FUT9: variants seen among roughly 807,000 people sequenced by gnomAD.
FUT9 encodes the protein 4-galactosyl-N-acetylglucosaminide 3-alpha-L-fucosyltransferase 9.
In FUT9, 15 loss-of-function variants were observed where a neutral mutation model predicts 29.7. The observed-to-expected ratio is 0.51, with a 90% CI of 0.34 to 0.78. The LOEUF (loss-of-function observed/expected upper bound fraction) is 0.78, where lower values mean the gene tolerates loss of function less well. Among genes scored for constraint, FUT9 ranks in the 30% least tolerant of loss-of-function variants. The probability of loss-of-function intolerance (pLI) is 0.01; values close to 1 mark genes in which losing one functional copy is unlikely to be tolerated. For synonymous variants in FUT9, 169 were observed against 153.7 expected (o/e 1.10, Z -0.74); for missense variants, 319 against 425.4 (o/e 0.75, Z 2.20).
At chr6:96,167,837 T>A (rs1297833917) in intron 2 of FUT9, among the ~76,000 whole-genome samples, 3 of 151,636 alleles carry the variant, frequency 2.0e-5, no homozygotes, top group African/African-American at 4.8e-5. Context: ...GGGTGGAGAG[T>A]GCTACTGTGC....
chr6:96,100,335 A>G (rs1771568385), intron 1 of FUT9, among the ~76,000 whole-genome samples: 1 of 152,076 alleles, frequency 6.6e-6, no homozygotes, highest in Non-Finnish European at 1.5e-5. Context: ...AAAACAGTCA[A>G]TGTCCTCAAA....
At chr6:96,090,721 T>A (rs187684411) in intron 1 of FUT9, among the ~76,000 whole-genome samples, 2 of 151,690 alleles carry the variant, frequency 1.3e-5, no homozygotes, top group Non-Finnish European at 2.9e-5. Flanking sequence ...CAGTATGAAA[T>A]AGACAATTAT....
rs1176589730 is a variant in FUT9 at position 96,203,284 on chromosome 6, A to G, written c.129A>G (p.Ser43=). Residue 43 remains serine, a synonymous_variant, in exon 3 of 3, where the codon TCA becomes TCG. Transcript: ENST00000302103. ...TNSWIFSPME[S]ASSVLKMKNF... Reference sequence around the variant, plus strand: ...GCTGGATCTTCAGTCCAATGGAATCAGCCAGCTCTGTGCTGAAAATGAAAA... The same window carrying G: ...GCTGGATCTTCAGTCCAATGGAATCGGCCAGCTCTGTGCTGAAAATGAAAA... 1.2e-6 allele frequency: 2 copies of G among 1,614,050 alleles called. No homozygotes were observed. Among genetic ancestry groups the G allele is most frequent in the Non-Finnish European group, 1.7e-6 (2 of 1,179,958 alleles).
chr6:96,034,760 C>A (rs770257623), intron 1 of FUT9, among the ~76,000 whole-genome samples: 3 of 151,644 alleles, frequency 2.0e-5, no homozygotes, highest in African/African-American at 7.3e-5. Flanking sequence ...CCCTGCAAGA[C>A]CCCAGAGGGC....
Position 96,203,486 on chromosome 6 carries a change from C to T in FUT9, c.331C>T (p.Arg111Ter). ...ATCCCATGCAGTTCTGATCCATCACCGAGACATCAGTTGGGATCTGACAAA... is the reference window on the plus strand; with the variant it reads ...ATCCCATGCAGTTCTGATCCATCACTGAGACATCAGTTGGGATCTGACAAA... The part of the protein sequence containing the change: ...NKSHAVLIHH[R>*]DISWDLTNLP... Residue 111 changes from arginine (R) to a stop codon, truncating the protein, a stop_gained, in exon 3 of 3, where the codon CGA becomes TGA. Transcript: ENST00000302103. LOFTEE classifies it high-confidence loss of function. 6.2e-7 allele frequency: 1 copy of T among 1,610,588 alleles called. No homozygotes were observed. Among genetic ancestry groups the T allele is most frequent in the South Asian group, 1.1e-5 (1 of 90,542 alleles).
chr6:96,035,312 C>A (rs1770331181), intron 1 of FUT9, among the ~76,000 whole-genome samples: 2 of 151,194 alleles, frequency 1.3e-5, no homozygotes. Flanking sequence ...ATTGGTATGA[C>A]AAAAAAGTGC....
At chr6:96,065,702 G>A (rs1336953982) in intron 1 of FUT9, among the ~76,000 whole-genome samples, 2 of 152,108 alleles carry the variant, frequency 1.3e-5, no homozygotes, top group African/African-American at 2.4e-5. Flanking sequence ...CTACAAAACT[G>A]CTATAGATCT....
chr6:96,113,184 A>C (rs2127961517), intron 1 of FUT9, among the ~76,000 whole-genome samples: 1 of 152,206 alleles, frequency 6.6e-6, no homozygotes, highest in East Asian at 1.9e-4. Context: ...TATAACCTAG[A>C]ACATTCATTC....
intron 2 of FUT9, among the ~76,000 whole-genome samples, chr6:96,167,769 A>G (rs888402605): frequency 1.3e-5 from 2 of 152,168 alleles, no homozygotes; most frequent in African/African-American, 2.4e-5. Flanking sequence ...TAACTTTTGA[A>G]CAAAAGTGTG....
intron 1 of FUT9, among the ~76,000 whole-genome samples, chr6:96,018,046 G>A (rs972554522): frequency 2.6e-5 from 4 of 152,174 alleles, no homozygotes; most frequent in African/African-American, 7.2e-5. Context: ...CCACTGACAA[G>A]GGGTGGTTTT....
chr6:96,055,833 C>G (rs9377336), intron 1 of FUT9, among the ~76,000 whole-genome samples: 3,371 of 151,884 alleles, frequency 0.022, 63 homozygotes, highest in East Asian at 0.08. Context: ...GTGTGAGCCA[C>G]TGACCCTGGC....
intron 2 of FUT9, among the ~76,000 whole-genome samples, chr6:96,125,442 T>C (rs1772116465): frequency 6.6e-6 from 1 of 152,252 alleles, no homozygotes; most frequent in African/African-American, 2.4e-5. Context: ...CAGAAGTACT[T>C]AATCATTATA....
chr6:96,057,060 A>G (rs1770784965), intron 1 of FUT9, among the ~76,000 whole-genome samples: 2 of 152,224 alleles, frequency 1.3e-5, no homozygotes, highest in African/African-American at 4.8e-5. Flanking sequence ...GTGTTCTGGC[A>G]AAGCAAGCTA....
chr6:96,103,124 G>A (rs72929907), intron 1 of FUT9, among the ~76,000 whole-genome samples: 6,164 of 152,200 alleles, frequency 0.04, 176 homozygotes, highest in South Asian at 0.12. Flanking sequence ...GGGGAGTAGG[G>A]GAGGAGACCA....
Position 96,190,941 on chromosome 6 carries a change from C to T in FUT9, c.-8-12207C>T, listed in dbSNP as rs187919927. Among the ~76,000 whole-genome samples the T allele has an allele frequency of 7.9e-5, 12 of 152,240 alleles. No individual in the cohort carries two copies. The East Asian group carries it at 1.4e-3, about 17-fold the overall frequency. On this transcript the variant is annotated intron_variant, in intron 2 of 2. Coordinates refer to ENST00000302103, the MANE Select transcript of FUT9 (RefSeq NM_006581.4). ...CATTCTTTGTCCAGCTTTGTTCTCT[C>T]GCTGATGAGGAGCTGCGTTCCTTTG...
chr6:96,128,242 A>G (rs1396111704), intron 2 of FUT9, among the ~76,000 whole-genome samples: 1 of 152,170 alleles, frequency 6.6e-6, no homozygotes, highest in Non-Finnish European at 1.5e-5. Flanking sequence ...GTTCCCCCCA[A>G]AATTAGACAA....
At chr6:96,181,612 T>C (rs188556631) in intron 2 of FUT9, among the ~76,000 whole-genome samples, 2 of 151,306 alleles carry the variant, frequency 1.3e-5, no homozygotes, top group East Asian at 1.9e-4. Context: ...CCAAAGTCCA[T>C]TGTGTCATTC....
At chr6:96,202,403 A>G (rs866028191) in intron 2 of FUT9, among the ~76,000 whole-genome samples, 1 of 152,092 alleles carries the variant, frequency 6.6e-6, no homozygotes, top group African/African-American at 2.4e-5. Flanking sequence ...CGTTTTTCCA[A>G]TGCAAATAGA....
At chr6:96,185,311 G>A (rs1327889081) in intron 2 of FUT9, among the ~76,000 whole-genome samples, 2 of 151,992 alleles carry the variant, frequency 1.3e-5, no homozygotes, top group East Asian at 3.9e-4. Context: ...AGTAACAATA[G>A]CAAGGAGAGA....
Sources: gnomAD v4.1 joint callset for allele counts (sites outside exome capture counted in the v4.1 genomes callset) on GRCh38, gnomAD v4.1.1 for gene constraint, MANE v1.5 for transcripts, NCBI Gene and HGNC (gene_info 2026-07-23, HGNC 2026-07-21) for gene names.